The following CDH1 variants were observed in gnomAD, a reference collection of about 807,000 sequenced individuals.
CDH1 encodes cadherin 1.
CDH1 carries 35 observed loss-of-function variants against 84.5 expected under a neutral mutation model. That is an observed-to-expected ratio of 0.41 (90% CI 0.32 to 0.55). The LOEUF (loss-of-function observed/expected upper bound fraction) is 0.55. Ranked by LOEUF, CDH1 falls within the 20% of genes least tolerant of loss-of-function variation. CDH1 has a pLI of 0.19. For missense variants in CDH1, 994 were observed against 1,126.6 expected, an observed-to-expected ratio of 0.88 and a Z score of 1.68; for synonymous variants, 417 against 439.0, an observed-to-expected ratio of 0.95 and a Z score of 0.63.
intron 2 of CDH1, among the ~76,000 whole-genome samples, chr16:68,778,212 T>C (rs1959786870): frequency 6.6e-6 from 1 of 152,246 alleles, no homozygotes; most frequent in African/African-American, 2.4e-5. Flanking sequence ...CATGTCCAGC[T>C]AATTTTTGTA....
intron 5 of CDH1, among the ~76,000 whole-genome samples, chr16:68,809,159 T>C (rs1960751791): frequency 6.6e-6 from 1 of 151,588 alleles, no homozygotes; most frequent in African/African-American, 2.4e-5. Context: ...AGGACAGTGA[T>C]GATATAAGGG....
rs730881667 is a variant in CDH1, at chr16:68,819,324, C to T, written c.1610C>T (p.Pro537Leu). 14 of 1,614,084 alleles carry T rather than the reference C, an allele frequency of 8.7e-6. No homozygotes were observed. In the East Asian group the frequency reaches 8.9e-5, roughly 10 times the overall value. The change falls in exon 11 of 16, where the codon CCG becomes CTG. Residue 537 changes from proline (P) to leucine (L), a missense_variant. Physicochemically the swap from Pro to Leu is moderately conservative, Grantham distance 98. This residue lies in a region of CDH1 where 769 missense variants were observed against 881.8 expected (regional missense o/e 0.87). Coordinates refer to ENST00000261769, the MANE Select transcript of CDH1 (RefSeq NM_004360.5). The part of the protein sequence containing the change: ...RDTANWLEIN[P>L]DTGAISTRAE... Reference sequence around the variant, plus strand: ...ACTGCCAACTGGCTGGAGATTAATCCGGACACTGGTGCCATTTCCACTCGG... The same window carrying T: ...ACTGCCAACTGGCTGGAGATTAATCTGGACACTGGTGCCATTTCCACTCGG...
At chr16:68,827,008 C>T (rs1277883848) in intron 13 of CDH1, among the ~76,000 whole-genome samples, 3 of 152,192 alleles carry the variant, frequency 2.0e-5, no homozygotes, top group Non-Finnish European at 4.4e-5. Context: ...TGGTGGCTCA[C>T]GCCTGTAATC....
At position 68,828,171 on chromosome 16, in the gene CDH1, C is replaced by T. The variant is rs755141324; in HGVS notation, c.2165-3C>T. The T allele has an allele frequency of 1.9e-6, 3 of 1,613,774 alleles. No homozygotes were observed. The highest frequency in any genetic ancestry group is 1.1e-5 in the South Asian group (1 of 91,062). ...ACTTGCTCTGTCTCCCCCACCATCC[C>T]AGTTCTGATTCTGCTGCTCTTGCTG... On this transcript the variant is annotated splice_region_variant and splice_polypyrimidine_tract_variant and intron_variant, in intron 13 of 15. Coordinates refer to ENST00000261769, the MANE Select transcript of CDH1 (RefSeq NM_004360.5).
intron 7 of CDH1, 95 bp from the exon 8 acceptor site, chr16:68,812,040 A>G (rs1960850626): frequency 6.3e-7 from 1 of 1,584,722 alleles, no homozygotes. Flanking sequence ...CATGAAGCAC[A>G]TGGTTAAATA....
chr16:68,738,360 A>G lies in CDH1; in HGVS notation c.112A>G (p.Thr38Ala), dbSNP rs786203442. The G allele has an allele frequency of 1.3e-6, 2 of 1,551,056 alleles. No individual in the cohort carries two copies. Among genetic ancestry groups the G allele is most frequent in the Non-Finnish European group, 1.7e-6 (2 of 1,146,694 alleles). ...CCCTGGCTTTGACGCCGAGAGCTAC[A>G]CGTTCACGGTGCCCCGGCGCCACCT... Reference protein sequence around the residue: ...CHPGFDAESYTFTVPRRHLER... With the variant: ...CHPGFDAESYAFTVPRRHLER... Residue 38 changes from threonine (T) to alanine (A), a missense_variant, in exon 2 of 16, where the codon ACG (threonine) becomes GCG (alanine). Coordinates refer to ENST00000261769, the MANE Select transcript of CDH1 (RefSeq NM_004360.5).
At position 68,795,911 on chromosome 16, in the gene CDH1, C is replaced by G. The variant is rs143335471; in HGVS notation, c.164-5759C>G. Among the ~76,000 whole-genome samples, 180 of 151,920 alleles carry G rather than the reference C, an allele frequency of 1.2e-3. 1 individual carries two copies. The highest frequency in any genetic ancestry group is 3.9e-3 in the African/African-American group (162 of 41,458). ...GGGTGCGGTGGCTTATGCCTGTAAT[C>G]CCAGCACTTTGGGCGGCCAAGGCAG... On this transcript the variant is annotated intron_variant, in intron 2 of 15. Coordinates refer to ENST00000261769, the MANE Select transcript of CDH1 (RefSeq NM_004360.5).
Position 68,810,259 on chromosome 16 carries a change from C to T in CDH1, c.750C>T (p.Ile250=), listed in dbSNP as rs1960782299. ...NAVEDPMEIL[I]TVTDQNDNKP... is the part of the protein sequence containing the mutation. ...TTGAGGATCCAATGGAGATTTTGAT[C>T]ACGGTAACCGATCAGAATGACAACA... Residue 250 remains isoleucine, a synonymous_variant, in exon 6 of 16, where the codon ATC becomes ATT. Coordinates refer to ENST00000261769, the MANE Select transcript of CDH1 (RefSeq NM_004360.5). The T allele has an allele frequency of 3.7e-6, 6 of 1,614,108 alleles. No individual in the cohort carries two copies. In the East Asian group the frequency reaches 1.1e-4, roughly 30 times the overall value.
At chr16:68,814,305 T>TG in intron 9 of CDH1, 1 of 152,922 alleles carries the variant, frequency 6.5e-6, no homozygotes. Flanking sequence ...CCCAGCACTT[T>TG]GGGAGGCCGA....
chr16:68,759,580 C>T (rs1052886474), intron 2 of CDH1, among the ~76,000 whole-genome samples: 4 of 151,278 alleles, frequency 2.6e-5, no homozygotes, highest in Admixed American at 6.6e-5. Flanking sequence ...ACCTCCGCCT[C>T]CCGAGTTCAA....
At chr16:68,761,180 CT>C (rs1959218513) in intron 2 of CDH1, among the ~76,000 whole-genome samples, 1 of 152,202 alleles carries the variant, frequency 6.6e-6, no homozygotes. Context: ...GGGTGAGGCC[CT>C]TTTGGCCTGA....
chr16:68,804,019 A>AT (rs896282035), intron 3 of CDH1, among the ~76,000 whole-genome samples: 3 of 122,990 alleles, frequency 2.4e-5, no homozygotes, highest in South Asian at 2.7e-4. Context: ...GTCTTTTTTT[A>AT]TTTTTTTAAT....
At position 68,794,685 on chromosome 16, in the gene CDH1, C is replaced by CTT. The variant is rs34110311; in HGVS notation, c.164-6967_164-6966dup. The stretch of plus-strand genomic sequence containing the variant: ...CAGGTGCACCAACATGCCGGGCTAA[C>CTT]TTTTTTTTTTTTTTTTTTTGAGATG... On this transcript the variant is annotated intron_variant, in intron 2 of 15. Transcript: ENST00000261769. Among the ~76,000 whole-genome samples, 207 of 126,424 alleles carry CTT rather than the reference C, an allele frequency of 1.6e-3. 1 individual carries two copies. Among genetic ancestry groups the CTT allele is most frequent in the Middle Eastern group, 4.5e-3 (1 of 224 alleles). 82.9% of individuals were successfully genotyped at this position (126,424 alleles called of 152,430 possible). A position where few individuals can be genotyped will look rare whatever the true frequency, so the allele number is the denominator to read the frequency against.
At chr16:68,790,660 T>A (rs758494258) in intron 2 of CDH1, among the ~76,000 whole-genome samples, 9 of 152,122 alleles carry the variant, frequency 5.9e-5, no homozygotes, top group Admixed American at 2.0e-4. Flanking sequence ...AGGCCTAATG[T>A]CGCTGCCAAC....
intron 9 of CDH1, chr16:68,814,381 C>G (rs1339567218): frequency 6.6e-6 from 1 of 152,480 alleles, no homozygotes; most frequent in Admixed American, 6.5e-5. Context: ...AAACCTGTCT[C>G]TACCAAAAAT....
chr16:68,822,297 TTCAATTTCCCTTC>T lies in CDH1; in HGVS notation c.1936+77_1936+89del, dbSNP rs1050765537. 4 of 1,021,690 alleles carry T rather than the reference TTCAATTTCCCTTC, an allele frequency of 3.9e-6. No homozygotes were observed. In the Admixed American group the frequency reaches 7.1e-5, roughly 18 times the overall value. 63.3% of individuals were successfully genotyped at this position (1,021,690 alleles called of 1,614,324 possible). A position where few individuals can be genotyped will look rare whatever the true frequency, so the allele number is the denominator to read the frequency against. Reference sequence around the variant, plus strand: ...CTTCCCTTCCCCCAGATCCCCACCTTTCAATTTCCCTTCTCAACTTCTAGATGTCACCCCTTCC... The same window carrying T: ...CTTCCCTTCCCCCAGATCCCCACCTTTCAACTTCTAGATGTCACCCCTTCC... On this transcript the variant is annotated intron_variant, in intron 12 of 15. Coordinates refer to ENST00000261769, the MANE Select transcript of CDH1 (RefSeq NM_004360.5).
intron 1 of CDH1, 81 bp downstream of exon 1, chr16:68,737,544 G>T: frequency 1.8e-6 from 1 of 568,574 alleles, no homozygotes; most frequent in Non-Finnish European, 2.8e-6. Flanking sequence ...TTCCTCTCCC[G>T]TCGTCACCGC....
At chr16:68,809,226 C>CTTTTTTTTTTTTTTTTTTTTTTTTTT (rs536314715) in intron 5 of CDH1, among the ~76,000 whole-genome samples, 1 of 135,468 alleles carries the variant, frequency 7.4e-6, no homozygotes, top group Non-Finnish European at 1.6e-5. Context: ...ACCAAGAGGT[C>CTTTTTTTTTTTTTTTTTTTTTTTTTT]TTTTTTTTTT....
chr16:68,740,281 T>C (rs140983652), intron 2 of CDH1, among the ~76,000 whole-genome samples: 69 of 150,866 alleles, frequency 4.6e-4, no homozygotes, highest in African/African-American at 1.5e-3. Flanking sequence ...TGTCTTTACA[T>C]TTTTTTTTTG....
Sources: allele counts gnomAD v4.1 joint callset (sites outside exome capture counted in the v4.1 genomes callset), GRCh38; gene constraint gnomAD v4.1.1; regional missense constraint gnomAD v4.1.1; transcripts MANE v1.5; gene names NCBI Gene and HGNC (gene_info 2026-07-23, HGNC 2026-07-21).